The following WDR17 variants were observed in gnomAD, a reference collection of about 807,000 sequenced individuals.
WDR17 encodes WD repeat-containing protein 17.
In WDR17, 143 loss-of-function variants were observed where a neutral mutation model predicts 161.7. The ratio of observed to expected loss-of-function variants is 0.88; its 90% CI spans 0.77 to 1.02. The LOEUF is 1.02. Among genes scored for constraint, WDR17 ranks in the 50% least tolerant of loss-of-function variants. The pLI is 0.00. For synonymous variants in WDR17, 517 were observed against 515.6 expected (o/e 1.00, Z -0.04); for missense variants, 1,469 against 1,520.9 (o/e 0.97, Z 0.57).
intron 1 of WDR17, among the ~76,000 whole-genome samples, chr4:176,075,365 G>A (rs1221934292): frequency 6.6e-6 from 1 of 151,722 alleles, no homozygotes; most frequent in Non-Finnish European, 1.5e-5. Context: ...CCATATCTTT[G>A]TTTTCTTCTA....
In WDR17 at chr4:176,162,176, T is replaced by A; in HGVS notation, c.2850+2T>A. 2 of 1,610,596 alleles carry A rather than the reference T, an allele frequency of 1.2e-6. No individual in the cohort carries two copies. Among genetic ancestry groups the A allele is most frequent in the Non-Finnish European group, 1.7e-6 (2 of 1,178,496 alleles). On this transcript the variant is annotated splice_donor_variant, in intron 21 of 28. Coordinates refer to ENST00000508596, the MANE Select transcript of WDR17 (RefSeq NM_181265.4). LOFTEE classifies it high-confidence loss of function. ...CATCTTGCCATAGATAATATTGAGGTACGACATTTAAAACTGGTTTATGTG... is the reference window on the plus strand; with the variant it reads ...CATCTTGCCATAGATAATATTGAGGAACGACATTTAAAACTGGTTTATGTG...
intron 26 of WDR17, among the ~76,000 whole-genome samples, chr4:176,175,244 A>G (rs1460203357): frequency 1.3e-5 from 2 of 152,196 alleles, no homozygotes; most frequent in African/African-American, 4.8e-5. Flanking sequence ...AAAATAGGAA[A>G]CTGAATATTT....
In WDR17 at chr4:176,145,574, T is replaced by C. The variant is rs570154297; in HGVS notation, c.1530-421T>C. ...ACAATCTAACAAATGGGCTAAGGCATGTAATAATAATTTGCCCACCAGCAA... is the reference window on the plus strand; with the variant it reads ...ACAATCTAACAAATGGGCTAAGGCACGTAATAATAATTTGCCCACCAGCAA... On this transcript the variant is annotated intron_variant, in intron 11 of 28. Coordinates refer to ENST00000508596, the MANE Select transcript of WDR17 (RefSeq NM_181265.4). Among the ~76,000 whole-genome samples, 12 of 152,298 alleles carry C rather than the reference T, an allele frequency of 7.9e-5. No individual in the cohort carries two copies. In the South Asian group the frequency reaches 2.5e-3, roughly 32 times the overall value.
intron 1 of WDR17, among the ~76,000 whole-genome samples, chr4:176,069,257 A>G (rs1406711865): frequency 6.6e-6 from 1 of 151,910 alleles, no homozygotes; most frequent in Admixed American, 6.6e-5. Context: ...AATAATTTAT[A>G]TATATATATT....
At chr4:176,079,123 A>G (rs1734432231) in intron 1 of WDR17, among the ~76,000 whole-genome samples, 1 of 152,184 alleles carries the variant, frequency 6.6e-6, no homozygotes, top group African/African-American at 2.4e-5. Flanking sequence ...GAGAACATAC[A>G]GTATTTACCT....
intron 1 of WDR17, among the ~76,000 whole-genome samples, chr4:176,075,915 G>A (rs1733906237): frequency 2.0e-5 from 3 of 151,990 alleles, no homozygotes; most frequent in Non-Finnish European, 4.4e-5. Context: ...TTTGAGGCTT[G>A]AATGTGCTAT....
Position 176,162,060 on chromosome 4 carries a change from T to C in WDR17, c.2751-15T>C. 4.4e-6 allele frequency: 7 copies of C among 1,598,452 alleles called. No homozygotes were observed. Among genetic ancestry groups the C allele is most frequent in the Non-Finnish European group, 6.0e-6 (7 of 1,173,166 alleles). On this transcript the variant is annotated splice_polypyrimidine_tract_variant and intron_variant, in intron 20 of 28. Transcript: ENST00000508596. Reference sequence around the variant, plus strand: ...TACTTGTGTTTATATAGAATACACATTTTTTTCTTTCTAGACTCCTGCACA... The same window carrying C: ...TACTTGTGTTTATATAGAATACACACTTTTTTCTTTCTAGACTCCTGCACA...
intron 17 of WDR17, among the ~76,000 whole-genome samples, chr4:176,155,733 A>ATATG (rs998325930): frequency 6.8e-6 from 1 of 146,590 alleles, no homozygotes; most frequent in African/African-American, 2.5e-5. Flanking sequence ...ATATATATAT[A>ATATG]TATGTTTTGG....
chr4:176,080,827 C>T (rs1734651634), intron 1 of WDR17, among the ~76,000 whole-genome samples: 1 of 151,668 alleles, frequency 6.6e-6, no homozygotes, highest in African/African-American at 2.4e-5. Flanking sequence ...TTTTTCTTTC[C>T]TGTACTTATC....
rs976190894 is a variant in WDR17 at position 176,166,033 on chromosome 4, A to T, written c.2991-2639A>T. The stretch of plus-strand genomic sequence containing the variant: ...GATGTGCATAATTTTTAAGCTATAA[A>T]CAGCGCTTTTTTTACATTTACTGTA... On this transcript the variant is annotated intron_variant, in intron 22 of 28. Transcript: ENST00000508596. The T allele has an allele frequency of 1.5e-5, 10 of 652,032 alleles. No individual in the cohort carries two copies. The African/African-American group carries it at 1.9e-4, about 13-fold the overall frequency. 40.4% of individuals were successfully genotyped at this position (652,032 alleles called of 1,614,324 possible).
chr4:176,116,658 T>A (rs757372195), intron 3 of WDR17, among the ~76,000 whole-genome samples: 6 of 151,876 alleles, frequency 4.0e-5, no homozygotes, highest in Non-Finnish European at 8.9e-5. Context: ...TTCAGCTTCT[T>A]CTCTAAAAAT....
chr4:176,151,137 C>T (rs1019130171), intron 16 of WDR17, among the ~76,000 whole-genome samples: 2 of 152,166 alleles, frequency 1.3e-5, no homozygotes, highest in Admixed American at 6.6e-5. Flanking sequence ...ATCTAATGCT[C>T]ATAAAGAGCA....
intron 1 of WDR17, among the ~76,000 whole-genome samples, chr4:176,108,889 A>C (rs951248090): frequency 1.3e-5 from 2 of 152,150 alleles, no homozygotes; most frequent in African/African-American, 4.8e-5. Flanking sequence ...TCCCAGGCTC[A>C]AGCAATCTTC....
At chr4:176,151,729 C>A in intron 16 of WDR17, 83 bp from the exon 17 acceptor site, 1 of 1,263,954 alleles carries the variant, frequency 7.9e-7, no homozygotes, top group Non-Finnish European at 1.1e-6. Context: ...TTAGTTATTT[C>A]AAAATATGCA....
intron 22 of WDR17, among the ~76,000 whole-genome samples, chr4:176,167,644 CAAAAAAAA>C (rs34187946): frequency 0.026 from 606 of 23,736 alleles, 2 homozygotes; most frequent in African/African-American, 0.096. Flanking sequence ...GACTCCGTCT[CAAAAAAAA>C]AAAAAAAAAA....
At chr4:176,120,681 G>T (rs985342229) in intron 4 of WDR17, among the ~76,000 whole-genome samples, 2 of 151,536 alleles carry the variant, frequency 1.3e-5, no homozygotes, top group African/African-American at 4.9e-5. Flanking sequence ...TACCTGAATT[G>T]CTTGCTTTCC....
At position 176,179,642 on chromosome 4, in the gene WDR17, A is replaced by G. The variant is rs944878699; in HGVS notation, c.*63A>G. Reference sequence around the variant, plus strand: ...AGAAAAACTTTCATGGGTTAGCATTACCTTAATCTTTGTTGCTCAAGTGCC... The same window carrying G: ...AGAAAAACTTTCATGGGTTAGCATTGCCTTAATCTTTGTTGCTCAAGTGCC... On this transcript the variant is annotated 3_prime_UTR_variant, in exon 29 of 29. Coordinates refer to ENST00000508596, the MANE Select transcript of WDR17 (RefSeq NM_181265.4). 5.6e-6 allele frequency: 8 copies of G among 1,422,362 alleles called. No homozygotes were observed. The African/African-American group carries it at 1.2e-4, about 21-fold the overall frequency. 88.1% of individuals were successfully genotyped at this position (1,422,362 alleles called of 1,614,324 possible).
intron 26 of WDR17, among the ~76,000 whole-genome samples, chr4:176,175,343 A>G (rs2126892739): frequency 6.6e-6 from 1 of 152,320 alleles, no homozygotes; most frequent in South Asian, 2.1e-4. Flanking sequence ...ATTCAGGCAT[A>G]ACCTGTTAGC....
intron 1 of WDR17, among the ~76,000 whole-genome samples, chr4:176,097,744 C>CAT (rs1309486143): frequency 4.6e-4 from 37 of 81,070 alleles, no homozygotes; most frequent in African/African-American, 1.3e-3. Flanking sequence ...CACACACATA[C>CAT]ACACACACAC....
Sources: allele counts gnomAD v4.1 joint callset (sites outside exome capture counted in the v4.1 genomes callset), GRCh38; gene constraint gnomAD v4.1.1; transcripts MANE v1.5; gene names NCBI Gene and HGNC (gene_info 2026-07-23, HGNC 2026-07-21).